AKAP19: variants seen among roughly 807,000 people sequenced by gnomAD.
AKAP19 encodes the protein A-kinase anchoring protein 19.
At chr2:190,146,923 G>T in the AKAP19 span, among the ~76,000 whole-genome samples, 3 of 152,200 alleles carry the variant, frequency 2.0e-5, no homozygotes, top group Admixed American at 2.0e-4. Flanking sequence ...TGTATAGATT[G>T]TGAAGATTTT....
the AKAP19 span, among the ~76,000 whole-genome samples, chr2:190,103,141 C>G: frequency 5.9e-5 from 9 of 152,216 alleles, no homozygotes; most frequent in East Asian, 1.4e-3. Context: ...AACCTAACAT[C>G]CTTTACTGAA....
At chr2:189,921,562 T>C in the AKAP19 span, among the ~76,000 whole-genome samples, 6 of 152,016 alleles carry the variant, frequency 3.9e-5, no homozygotes, top group African/African-American at 9.7e-5. Flanking sequence ...AGCAGAAAAA[T>C]GGATGATAGT....
At chr2:190,056,511 A>G in the AKAP19 span, 3 of 152,564 alleles carry the variant, frequency 2.0e-5, no homozygotes, top group Non-Finnish European at 2.9e-5. Flanking sequence ...AGTTTCTCCA[A>G]GTATGCTACA....
the AKAP19 span, among the ~76,000 whole-genome samples, chr2:190,038,747 C>G: frequency 2.0e-5 from 3 of 152,138 alleles, no homozygotes; most frequent in African/African-American, 7.2e-5. Flanking sequence ...GCCTTAGCCC[C>G]GTGGCTTACC....
At chr2:189,987,236 G>T in the AKAP19 span, among the ~76,000 whole-genome samples, 2 of 152,148 alleles carry the variant, frequency 1.3e-5, no homozygotes, top group African/African-American at 4.8e-5. Context: ...TTATGAGGGG[G>T]TTTCTGCTTT....
chr2:190,072,367 C>T, the AKAP19 span, among the ~76,000 whole-genome samples: 2 of 151,964 alleles, frequency 1.3e-5, no homozygotes, highest in African/African-American at 2.4e-5. Context: ...CAGCATCACA[C>T]AATATACCCA....
chr2:190,045,865 C>T, the AKAP19 span, among the ~76,000 whole-genome samples: 3 of 152,178 alleles, frequency 2.0e-5, no homozygotes, highest in Non-Finnish European at 4.4e-5. Flanking sequence ...GCTCCAGGGT[C>T]TCCATGCTTG....
chr2:190,172,932 G>A, the AKAP19 span, among the ~76,000 whole-genome samples: 1 of 152,044 alleles, frequency 6.6e-6, no homozygotes, highest in Non-Finnish European at 1.5e-5. Flanking sequence ...GCCCAAAATG[G>A]CGAAACCCCG....
At chr2:190,099,197 C>T in the AKAP19 span, among the ~76,000 whole-genome samples, 1 of 152,216 alleles carries the variant, frequency 6.6e-6, no homozygotes, top group Non-Finnish European at 1.5e-5. Context: ...AGAGGCCTAC[C>T]TTTCAGCCTG....
the AKAP19 span, among the ~76,000 whole-genome samples, chr2:189,947,187 T>A: frequency 9.2e-5 from 14 of 152,314 alleles, no homozygotes; most frequent in African/African-American, 3.1e-4. Flanking sequence ...GACCCAACAA[T>A]TGGGTTTTCG....
the AKAP19 span, among the ~76,000 whole-genome samples, chr2:189,914,988 G>A: frequency 7.9e-5 from 12 of 152,214 alleles, no homozygotes; most frequent in East Asian, 9.6e-4. Flanking sequence ...GGGAAATTAC[G>A]TGCGAAGTAA....
At chr2:190,190,285 T>C in the AKAP19 span, among the ~76,000 whole-genome samples, 1 of 152,230 alleles carries the variant, frequency 6.6e-6, no homozygotes, top group Admixed American at 6.5e-5. Context: ...AGGGTCACTA[T>C]TGTCCAATCT....
chr2:190,032,885 T>A, the AKAP19 span, among the ~76,000 whole-genome samples: 1 of 152,212 alleles, frequency 6.6e-6, no homozygotes, highest in Non-Finnish European at 1.5e-5. Context: ...TATACAAGAA[T>A]TCACATCAAT....
At chr2:189,935,461 G>C in the AKAP19 span, among the ~76,000 whole-genome samples, 3 of 152,060 alleles carry the variant, frequency 2.0e-5, no homozygotes, top group East Asian at 5.8e-4. Flanking sequence ...TAGAAACTTA[G>C]AATTGACAGA....
chr2:189,949,847 G>T, the AKAP19 span, among the ~76,000 whole-genome samples: 2 of 151,260 alleles, frequency 1.3e-5, no homozygotes, highest in Non-Finnish European at 2.9e-5. Context: ...GTCCAGGATG[G>T]TGTCAATCTC....
At chr2:189,973,725 T>C in the AKAP19 span, among the ~76,000 whole-genome samples, 1 of 152,228 alleles carries the variant, frequency 6.6e-6, no homozygotes, top group Admixed American at 6.5e-5. Flanking sequence ...GTTGTATGTG[T>C]CCAGGAATTT....
At chr2:190,046,425 C>T in the AKAP19 span, among the ~76,000 whole-genome samples, 3 of 152,168 alleles carry the variant, frequency 2.0e-5, no homozygotes, top group Non-Finnish European at 4.4e-5. Flanking sequence ...ATCACTTCTC[C>T]CCTTGACTAG....
At chr2:190,024,196 T>A in the AKAP19 span, among the ~76,000 whole-genome samples, 4 of 151,864 alleles carry the variant, frequency 2.6e-5, no homozygotes, top group African/African-American at 9.7e-5. Flanking sequence ...GGTAAATGTG[T>A]CTTCCTAGGG....
the AKAP19 span, among the ~76,000 whole-genome samples, chr2:190,058,798 C>T: frequency 1.3e-5 from 2 of 151,850 alleles, no homozygotes; most frequent in African/African-American, 2.4e-5. Context: ...GCTATGCGTA[C>T]GCAAAGACAT....
Sources: allele counts gnomAD v4.1 joint callset (sites outside exome capture counted in the v4.1 genomes callset), GRCh38; gene constraint gnomAD v4.1.1; transcripts MANE v1.5; gene names NCBI Gene and HGNC (gene_info 2026-07-23, HGNC 2026-07-21).